PAQR5: variants seen among roughly 807,000 people sequenced by gnomAD.
The protein encoded by PAQR5 is membrane progestin receptor gamma.
A neutral mutation model predicts 34.5 loss-of-function variants in PAQR5; 20 were observed. That is an observed-to-expected ratio of 0.58 (90% CI 0.41 to 0.84). The LOEUF (loss-of-function observed/expected upper bound fraction) is 0.84, where lower values mean the gene tolerates loss of function less well. Among genes scored for constraint, PAQR5 ranks in the 40% least tolerant of loss-of-function variants. The pLI is 0.00. For missense variants in PAQR5, 378 were observed against 412.7 expected, an observed-to-expected ratio of 0.92 and a Z score of 0.73; for synonymous variants, 131 against 155.6, an observed-to-expected ratio of 0.84 and a Z score of 1.18.
At chr15:69,301,981 G>A (rs1245335226) in intron 1 of PAQR5, among the ~76,000 whole-genome samples, 2 of 150,666 alleles carry the variant, frequency 1.3e-5, no homozygotes, top group Non-Finnish European at 2.9e-5. Context: ...GGGGTGGTGG[G>A]GGTGGTAGGT....
intron 7 of PAQR5, among the ~76,000 whole-genome samples, chr15:69,398,502 C>G (rs1051091545): frequency 5.3e-5 from 8 of 152,132 alleles, no homozygotes; most frequent in African/African-American, 1.7e-4. Context: ...CTGTCCAGTA[C>G]CCGGTGAGTG....
chr15:69,329,418 T>C (rs1348614454), intron 1 of PAQR5, among the ~76,000 whole-genome samples: 1 of 151,458 alleles, frequency 6.6e-6, no homozygotes, highest in Non-Finnish European at 1.5e-5. Flanking sequence ...CTGAACTAGA[T>C]GGTAAATTAT....
intron 1 of PAQR5, among the ~76,000 whole-genome samples, chr15:69,333,430 T>C (rs1259593064): frequency 1.3e-5 from 2 of 151,806 alleles, no homozygotes; most frequent in East Asian, 1.9e-4. Flanking sequence ...CTTTAGGGAG[T>C]GGCTAATAGT....
intron 2 of PAQR5, among the ~76,000 whole-genome samples, chr15:69,352,535 G>C (rs941903415): frequency 6.6e-6 from 1 of 152,224 alleles, no homozygotes; most frequent in Non-Finnish European, 1.5e-5. Flanking sequence ...ATGGCCTCAT[G>C]GGAAATGCCC....
At chr15:69,374,538 A>G (rs1349975688) in intron 3 of PAQR5, among the ~76,000 whole-genome samples, 1 of 152,138 alleles carries the variant, frequency 6.6e-6, no homozygotes, top group African/African-American at 2.4e-5. Context: ...TTAGCTGGGC[A>G]TAGTGGCATG....
At chr15:69,318,603 C>T (rs2140579840) in intron 1 of PAQR5, among the ~76,000 whole-genome samples, 1 of 152,070 alleles carries the variant, frequency 6.6e-6, no homozygotes, top group South Asian at 2.1e-4. Flanking sequence ...CTGCCTCCTT[C>T]TTCTTGGGGC....
intron 1 of PAQR5, among the ~76,000 whole-genome samples, chr15:69,329,786 C>A (rs891007073): frequency 6.6e-6 from 1 of 152,078 alleles, no homozygotes; most frequent in Non-Finnish European, 1.5e-5. Context: ...CAAACAGCCT[C>A]AATTTTCGGT....
intron 2 of PAQR5, among the ~76,000 whole-genome samples, chr15:69,356,970 T>A (rs1237371131): frequency 6.6e-6 from 1 of 151,716 alleles, no homozygotes; most frequent in Non-Finnish European, 1.5e-5. Context: ...TGGGGGCAGA[T>A]CCCTCGTGGC....
intron 3 of PAQR5, chr15:69,379,403 C>T (rs2055815428): frequency 2.0e-6 from 2 of 984,782 alleles, no homozygotes; most frequent in Admixed American, 1.2e-4. Context: ...TCATCAAAAG[C>T]CCTTTATGAA....
intron 1 of PAQR5, among the ~76,000 whole-genome samples, chr15:69,318,279 A>T (rs1195077237): frequency 6.6e-6 from 1 of 152,232 alleles, no homozygotes; most frequent in Non-Finnish European, 1.5e-5. Flanking sequence ...CAAGAAATGC[A>T]TCTCGAAGCA....
Position 69,407,399 on chromosome 15 carries a change from G to A in PAQR5, c.*3577G>A, listed in dbSNP as rs1049580510. 8 of 152,232 alleles carry A rather than the reference G, an allele frequency of 5.3e-5. No individual in the cohort carries two copies. The highest frequency in any genetic ancestry group is 1.3e-4 in the Admixed American group (2 of 15,276). 9.4% of individuals were successfully genotyped at this position (152,232 alleles called of 1,614,324 possible). A position where few individuals can be genotyped will look rare whatever the true frequency, so the allele number is the denominator to read the frequency against. On this transcript the variant is annotated 3_prime_UTR_variant, in exon 9 of 9. Transcript: ENST00000395407. Reference sequence around the variant, plus strand: ...CTGCCTCAGGCTCCCAAAGTGCTGGGATTACAGGCATGAGCCACACTGCAC... The same window carrying A: ...CTGCCTCAGGCTCCCAAAGTGCTGGAATTACAGGCATGAGCCACACTGCAC...
intron 2 of PAQR5, among the ~76,000 whole-genome samples, chr15:69,354,482 C>T (rs2055004789): frequency 6.6e-6 from 1 of 152,118 alleles, no homozygotes; most frequent in Admixed American, 6.5e-5. Context: ...GAAGAATAAA[C>T]ATTACCCAAG....
In PAQR5 at chr15:69,407,030, G is replaced by C. The variant is rs1294266699; in HGVS notation, c.*3208G>C. On this transcript the variant is annotated 3_prime_UTR_variant, in exon 9 of 9. Transcript: ENST00000395407. ...CCAGTAGAAACTTGCTCATATGAGA[G>C]GTTCTGAGGTAGGTGCGGTGTAGTA... 2 of 152,292 alleles carry C rather than the reference G, an allele frequency of 1.3e-5. No individual in the cohort carries two copies. Among genetic ancestry groups the C allele is most frequent in the African/African-American group, 2.4e-5 (1 of 41,430 alleles). The allele number at this position is 152,292 out of a possible 1,614,324, so 9.4% of individuals were successfully genotyped here. A position where few individuals can be genotyped will look rare whatever the true frequency, so the allele number is the denominator to read the frequency against.
At chr15:69,352,561 A>G (rs2102267) in intron 2 of PAQR5, among the ~76,000 whole-genome samples, 151,801 of 152,360 alleles carry the variant, frequency 1, 75,622 homozygotes, top group Middle Eastern at 1. Context: ...TCAGTTGACA[A>G]AGGAAGAGAA....
intron 3 of PAQR5, among the ~76,000 whole-genome samples, chr15:69,372,467 C>T (rs1256828222): frequency 3.9e-5 from 6 of 152,266 alleles, no homozygotes; most frequent in African/African-American, 1.4e-4. Context: ...CACTTGAATT[C>T]GGGAGATAGA....
At chr15:69,403,018 G>A (rs1567046548) in intron 8 of PAQR5, among the ~76,000 whole-genome samples, 1 of 152,270 alleles carries the variant, frequency 6.6e-6, no homozygotes, top group East Asian at 1.9e-4. Flanking sequence ...GCAGTAGGGA[G>A]AGGTCCACTT....
At position 69,400,092 on chromosome 15, in the gene PAQR5, C is replaced by T; in HGVS notation, c.728C>T (p.Ala243Val). Residue 243 changes from alanine (A) to valine (V), a missense_variant, in exon 8 of 9, where the codon GCC becomes GTC. Physicochemically the swap from Ala to Val is moderately conservative, Grantham distance 64. Transcript: ENST00000395407. ...TCTGCACATCTGCCAGAACGCCTAG[C>T]CCCTGGACGCTTTGACTACATCGGT... ...LYSAHLPERL[A>V]PGRFDYIGHS... 6.2e-7 allele frequency: 1 copy of T among 1,613,844 alleles called. No homozygotes were observed. The highest frequency in any genetic ancestry group is 8.5e-7 in the Non-Finnish European group (1 of 1,179,856).
intron 7 of PAQR5, 167 bp downstream of exon 7, chr15:69,397,731 G>A (rs549286426): frequency 1.0e-4 from 64 of 631,594 alleles, no homozygotes; most frequent in South Asian, 8.0e-4. Context: ...GGTATTTCTC[G>A]TCAGGTGGGA....
At chr15:69,399,880 A>T in intron 7 of PAQR5, 94 bp from the exon 8 acceptor site, 1 of 1,300,510 alleles carries the variant, frequency 7.7e-7, no homozygotes. Flanking sequence ...TGGGTGTCAG[A>T]GCCCCCAAAG....
Sources: gnomAD v4.1 joint callset for allele counts (sites outside exome capture counted in the v4.1 genomes callset) on GRCh38, gnomAD v4.1.1 for gene constraint, MANE v1.5 for transcripts, NCBI Gene and HGNC (gene_info 2026-07-23, HGNC 2026-07-21) for gene names.